The following NIPSNAP3B variants were observed in gnomAD, a reference collection of about 807,000 sequenced individuals.
NIPSNAP3B encodes protein NipSnap homolog 3B.
NIPSNAP3B carries 30 observed loss-of-function variants against 31.5 expected under a neutral mutation model. That is an observed-to-expected ratio of 0.95 (90% CI 0.71 to 1.29). The LOEUF (loss-of-function observed/expected upper bound fraction) is 1.29. Ranked by LOEUF, NIPSNAP3B falls within the 50% of genes most tolerant of loss-of-function variation. NIPSNAP3B has a pLI of 0.00. For missense variants in NIPSNAP3B, 269 were observed against 300.7 expected, an observed-to-expected ratio of 0.89 and a Z score of 0.78; for synonymous variants, 106 against 107.9, an observed-to-expected ratio of 0.98 and a Z score of 0.11.
chr9:104,787,074 T>A, the NIPSNAP3B span: 3 of 972,932 alleles, frequency 3.1e-6, no homozygotes, highest in Non-Finnish European at 4.7e-6. Context: ...ACAGCTTAAA[T>A]TTTAACTTGC....
chr9:104,772,433 T>G (rs1312855772), intron 4 of NIPSNAP3B, among the ~76,000 whole-genome samples: 2 of 152,156 alleles, frequency 1.3e-5, no homozygotes, highest in Non-Finnish European at 2.9e-5. Context: ...ACACACCATA[T>G]GTTGATAAAG....
chr9:104,770,944 G>A lies in NIPSNAP3B; in HGVS notation c.526G>A (p.Gly176Ser). 6.2e-7 allele frequency: 1 copy of A among 1,613,904 alleles called. No homozygotes were observed. The highest frequency in any genetic ancestry group is 8.5e-7 in the Non-Finnish European group (1 of 1,179,842). The change falls in exon 4 of 6, where the codon GGC (glycine) becomes AGC (serine). Residue 176 changes from glycine to serine, a missense_variant. Transcript: ENST00000374762. ...ERAINAHVNL[G>S]YTKVVGVFHT... The stretch of plus-strand genomic sequence containing the variant: ...AGCAATTAATGCCCATGTCAATTTA[G>A]GCTACACAAAAGTAGTTGGTGTTTT...
the NIPSNAP3B span, among the ~76,000 whole-genome samples, chr9:104,789,921 C>G: frequency 6.6e-6 from 1 of 152,094 alleles, no homozygotes; most frequent in Non-Finnish European, 1.5e-5. Context: ...TGGTGAAACC[C>G]CATCTCTACT....
chr9:104,765,432 C>T (rs1588165542), intron 1 of NIPSNAP3B, among the ~76,000 whole-genome samples: 1 of 152,126 alleles, frequency 6.6e-6, no homozygotes, highest in African/African-American at 2.4e-5. Flanking sequence ...TTTGCATGTA[C>T]GTACATACAG....
At chr9:104,767,549 G>A (rs1462103915) in intron 2 of NIPSNAP3B, among the ~76,000 whole-genome samples, 4 of 152,172 alleles carry the variant, frequency 2.6e-5, no homozygotes, top group East Asian at 1.9e-4. Flanking sequence ...TATGCTTGAC[G>A]TAACTCTTTA....
At chr9:104,786,902 C>G in the NIPSNAP3B span, 2 of 1,614,040 alleles carry the variant, frequency 1.2e-6, no homozygotes, top group Admixed American at 1.7e-5. Context: ...CTGATCTCCC[C>G]TCCTTGACAA....
chr9:104,780,526 G>C (rs76480790), downstream of NIPSNAP3B, among the ~76,000 whole-genome samples: 41 of 152,256 alleles, frequency 2.7e-4, no homozygotes, highest in African/African-American at 9.4e-4. Flanking sequence ...AGGAATCACC[G>C]ATATTAGTAT....
chr9:104,782,073 C>T (rs1828578258), downstream of NIPSNAP3B: 1 of 151,856 alleles, frequency 6.6e-6, no homozygotes, highest in African/African-American at 2.4e-5. Flanking sequence ...TCAGAGGAAC[C>T]GAAGTAAGGA....
chr9:104,785,595 T>C, the NIPSNAP3B span: 2 of 1,614,030 alleles, frequency 1.2e-6, no homozygotes, highest in Admixed American at 1.7e-5. Flanking sequence ...CAGGTCCGGG[T>C]TGGACCCTGC....
the NIPSNAP3B span, chr9:104,788,326 G>C: frequency 6.5e-7 from 1 of 1,535,852 alleles, no homozygotes; most frequent in Non-Finnish European, 9.0e-7. Flanking sequence ...CTGCATTCAT[G>C]AGGAAAAACA....
At chr9:104,787,659 G>A in the NIPSNAP3B span, among the ~76,000 whole-genome samples, 1 of 152,192 alleles carries the variant, frequency 6.6e-6, no homozygotes, top group African/African-American at 2.4e-5. Flanking sequence ...TCCAGAGAAA[G>A]ATCAAATCAC....
chr9:104,779,949 C>T (rs1438616143), downstream of NIPSNAP3B, among the ~76,000 whole-genome samples: 1 of 152,172 alleles, frequency 6.6e-6, no homozygotes, highest in Non-Finnish European at 1.5e-5. Context: ...ATCGCTTGAA[C>T]CCGGGAGGCG....
Position 104,774,274 on chromosome 9 carries a change from A to T in NIPSNAP3B, c.*1201A>T, listed in dbSNP as rs1828287816. Among the ~76,000 whole-genome samples the T allele has an allele frequency of 6.6e-6, 1 of 152,200 alleles. No homozygotes were observed. Among genetic ancestry groups the T allele is most frequent in the Non-Finnish European group, 1.5e-5 (1 of 68,028 alleles). On this transcript the variant is annotated 3_prime_UTR_variant, in exon 6 of 6. Transcript: ENST00000374762. ...CAAACTGTACAGTTTCCTCTCATTT[A>T]TCAGGCTCTAAGCGATCTGCAGTTT... is the stretch of plus-strand genomic sequence containing the variant.
the NIPSNAP3B span, chr9:104,783,259 A>C: frequency 3.5e-4 from 54 of 152,352 alleles, 1 homozygote; most frequent in African/African-American, 1.3e-3. Flanking sequence ...TAGAACTTAA[A>C]ATTCCAAATA....
chr9:104,784,137 T>C, the NIPSNAP3B span: 1 of 736,352 alleles, frequency 1.4e-6, no homozygotes, highest in Admixed American at 2.6e-5. Context: ...GCACTGCCCC[T>C]GTAATGGAAT....
At chr9:104,780,348 G>C (rs1828449503), downstream of NIPSNAP3B, among the ~76,000 whole-genome samples, 1 of 152,160 alleles carries the variant, frequency 6.6e-6, no homozygotes, top group Non-Finnish European at 1.5e-5. Flanking sequence ...AATAGAGACA[G>C]CCTCTTGTAC....
chr9:104,783,310 A>C, the NIPSNAP3B span: 3 of 152,218 alleles, frequency 2.0e-5, no homozygotes, highest in African/African-American at 7.2e-5. Context: ...ATACAACTCC[A>C]TCTTTTCATT....
downstream of NIPSNAP3B, among the ~76,000 whole-genome samples, chr9:104,779,180 T>C (rs187667737): frequency 2.0e-5 from 3 of 152,270 alleles, no homozygotes; most frequent in East Asian, 5.8e-4. Flanking sequence ...CTGACTTCTC[T>C]CCATTGTTAT....
the NIPSNAP3B span, chr9:104,788,608 G>GAGAT: frequency 6.2e-7 from 1 of 1,610,782 alleles, no homozygotes. Flanking sequence ...TAAGCAGGTA[G>GAGAT]AGATACTCTG....
Sources: allele counts gnomAD v4.1 joint callset (sites outside exome capture counted in the v4.1 genomes callset), GRCh38; gene constraint gnomAD v4.1.1; transcripts MANE v1.5; gene names NCBI Gene and HGNC (gene_info 2026-07-23, HGNC 2026-07-21).